RNLS: variants seen among roughly 807,000 people sequenced by gnomAD.
RNLS encodes the protein renalase, FAD dependent amine oxidase.
RNLS carries 39 observed loss-of-function variants against 39.8 expected under a neutral mutation model. That is an observed-to-expected ratio of 0.98 (90% confidence interval 0.76 to 1.28). The LOEUF is 1.28. RNLS is among the 50% of genes most tolerant of loss of function. The pLI is 0.00. For synonymous variants in RNLS, 147 were observed against 150.7 expected (o/e 0.98, Z 0.18); for missense variants, 410 against 413.3 (o/e 0.99, Z 0.07).
the RNLS span, among the ~76,000 whole-genome samples, chr10:88,235,514 T>A: frequency 6.6e-6 from 1 of 152,154 alleles, no homozygotes; most frequent in African/African-American, 2.4e-5. Flanking sequence ...TTACTCAATA[T>A]GAATGAATGG....
chr10:88,381,536 T>A (rs1206330085), intron 4 of RNLS, among the ~76,000 whole-genome samples: 2 of 151,916 alleles, frequency 1.3e-5, no homozygotes, highest in Non-Finnish European at 2.9e-5. Flanking sequence ...ATTCAGCTTT[T>A]AAAAAATTCT....
intron 4 of RNLS, among the ~76,000 whole-genome samples, chr10:88,368,491 C>G (rs983047042): frequency 6.6e-6 from 1 of 151,954 alleles, no homozygotes; most frequent in Admixed American, 6.6e-5. Flanking sequence ...GTAAAAATAT[C>G]ACCATATTTT....
At chr10:88,436,792 A>G (rs753553937) in intron 4 of RNLS, among the ~76,000 whole-genome samples, 1 of 151,898 alleles carries the variant, frequency 6.6e-6, no homozygotes, top group African/African-American at 2.4e-5. Flanking sequence ...CTTGGGACCC[A>G]TTTTTATATT....
chr10:88,524,771 G>T (rs186144135), intron 4 of RNLS, among the ~76,000 whole-genome samples: 2 of 151,134 alleles, frequency 1.3e-5, no homozygotes, highest in Admixed American at 1.3e-4. Flanking sequence ...ATAAATACTG[G>T]TCCTTTATAT....
intron 4 of RNLS, among the ~76,000 whole-genome samples, chr10:88,440,813 C>A (rs1205761070): frequency 6.6e-6 from 1 of 152,182 alleles, no homozygotes; most frequent in Non-Finnish European, 1.5e-5. Context: ...TATGACCCTG[C>A]CTGGCTGAGA....
At chr10:88,548,040 G>A (rs1443899475) in intron 4 of RNLS, among the ~76,000 whole-genome samples, 2 of 149,888 alleles carry the variant, frequency 1.3e-5, no homozygotes, top group Non-Finnish European at 3.0e-5. Flanking sequence ...GGCGGGGAGG[G>A]TGCCTGAGCT....
At chr10:88,317,962 C>T (rs890674425) in intron 5 of RNLS, among the ~76,000 whole-genome samples, 10 of 152,242 alleles carry the variant, frequency 6.6e-5, no homozygotes, top group African/African-American at 2.4e-4. Context: ...GGGAGCCCCT[C>T]TGCCCTCTGG....
chr10:88,325,903 ATC>A (rs1842560997), intron 5 of RNLS, among the ~76,000 whole-genome samples: 1 of 151,896 alleles, frequency 6.6e-6, no homozygotes. Flanking sequence ...TTCTCATGAG[ATC>A]TGATGGTTTT....
chr10:88,203,313 CGT>C, the RNLS span, among the ~76,000 whole-genome samples: 4 of 1,592 alleles, frequency 2.5e-3, 1 homozygote, highest in Non-Finnish European at 5.2e-3. Context: ...TATATATATA[CGT>C]ATGTATATAT....
chr10:88,242,083 A>G, the RNLS span, among the ~76,000 whole-genome samples: 1 of 152,226 alleles, frequency 6.6e-6, no homozygotes, highest in East Asian at 1.9e-4. Flanking sequence ...AGAACTTTTA[A>G]CTTATTTCTC....
chr10:88,200,845 T>A, the RNLS span, among the ~76,000 whole-genome samples: 5 of 152,186 alleles, frequency 3.3e-5, no homozygotes, highest in Admixed American at 6.5e-5. Flanking sequence ...TGAACTTATC[T>A]CCTGGTCCCG....
At chr10:88,557,452 C>G (rs1391645615) in intron 4 of RNLS, among the ~76,000 whole-genome samples, 1 of 152,108 alleles carries the variant, frequency 6.6e-6, no homozygotes, top group African/African-American at 2.4e-5. Context: ...AACAGGACTT[C>G]AGAAGAATGA....
intron 5 of RNLS, among the ~76,000 whole-genome samples, chr10:88,329,450 C>T (rs967773651): frequency 6.6e-6 from 1 of 151,530 alleles, no homozygotes; most frequent in Non-Finnish European, 1.5e-5. Flanking sequence ...TGATGTTGTG[C>T]AGTTTTATTC....
chr10:88,227,056 AGTT>A, the RNLS span, among the ~76,000 whole-genome samples: 1 of 152,182 alleles, frequency 6.6e-6, no homozygotes, highest in Non-Finnish European at 1.5e-5. Flanking sequence ...CCATTCATTT[AGTT>A]ATTATCTATG....
intron 5 of RNLS, among the ~76,000 whole-genome samples, chr10:88,352,125 T>G (rs887532168): frequency 3.9e-5 from 6 of 152,218 alleles, no homozygotes; most frequent in Non-Finnish European, 7.3e-5. Context: ...TTTCTAGATA[T>G]ACAGTCATGT....
chr10:88,365,397 T>G (rs887728860), intron 4 of RNLS, among the ~76,000 whole-genome samples: 1 of 151,702 alleles, frequency 6.6e-6, no homozygotes, highest in African/African-American at 2.4e-5. Flanking sequence ...TTTCTTATCA[T>G]GTTTTCAAAT....
At chr10:88,211,118 T>A in the RNLS span, among the ~76,000 whole-genome samples, 1 of 152,186 alleles carries the variant, frequency 6.6e-6, no homozygotes, top group African/African-American at 2.4e-5. Context: ...TAAAATCAAT[T>A]ACATCTATTC....
intron 6 of RNLS, among the ~76,000 whole-genome samples, chr10:88,296,793 A>T (rs1294547740): frequency 6.6e-6 from 1 of 152,102 alleles, no homozygotes; most frequent in Non-Finnish European, 1.5e-5. Context: ...ACCACCCCCT[A>T]AATTTCCCTT....
chr10:88,270,001 C>T (rs1244391947), downstream of RNLS, among the ~76,000 whole-genome samples: 2 of 152,130 alleles, frequency 1.3e-5, no homozygotes, highest in Non-Finnish European at 2.9e-5. Context: ...GCGTGCGTGA[C>T]CACGCCCAGC....
Sources: allele counts gnomAD v4.1 joint callset (sites outside exome capture counted in the v4.1 genomes callset), GRCh38; gene constraint gnomAD v4.1.1; transcripts MANE v1.5; gene names NCBI Gene and HGNC (gene_info 2026-07-23, HGNC 2026-07-21).